PLXNB3: variants seen among roughly 807,000 people sequenced by gnomAD.
PLXNB3 encodes the protein plexin B3.
A neutral mutation model predicts 125.7 loss-of-function variants in PLXNB3; 80 were observed. That is an observed-to-expected ratio of 0.64 (90% CI 0.53 to 0.77). PLXNB3 has a LOEUF of 0.77. PLXNB3 is among the 30% of genes least tolerant of loss of function. PLXNB3 has a pLI of 0.00. For synonymous variants in PLXNB3, 954 were observed against 783.3 expected (o/e 1.22, Z -3.64); for missense variants, 1,836 against 1,729.3 (o/e 1.06, Z -1.09).
At position 153,770,111 on chromosome X, in the gene PLXNB3, G is replaced by C; in HGVS notation, c.1649G>C (p.Arg550Pro). Residue 550 changes from arginine (R) to proline (P), a missense_variant, in exon 8 of 36, where the codon CGG (arginine) becomes CCG (proline). Arg to Pro is a moderately radical substitution (Grantham distance 103, BLOSUM62 -2). Transcript: ENST00000361971. ...EQGQVTLSVP[R>P]LPILDADEYF... ...TCCCAGGTCACTTTGTCTGTCCCCC[G>C]GCTGCCCATCCTGGATGCAGATGAA... is the stretch of plus-strand genomic sequence containing the variant. 1 of 1,211,216 alleles carries C rather than the reference G, an allele frequency of 8.3e-7. No homozygotes were observed.
At chrX:153,772,833 G>T (rs2091947855) in intron 16 of PLXNB3, 53 bp from the exon 17 acceptor site, 5 of 1,068,094 alleles carry the variant, frequency 4.7e-6, no homozygotes, top group South Asian at 2.5e-5. Context: ...GCCCAGGGGG[G>T]TGAAAGGGCC....
Position 153,767,494 on chromosome X carries a change from G to A in PLXNB3, c.667G>A (p.Val223Met). ...CTCCAGCGAGGGCCTGGGCCGCCTGGTGGTGGGCGACTTCTCCGACTACAA... is the reference window on the plus strand; with the variant it reads ...CTCCAGCGAGGGCCTGGGCCGCCTGATGGTGGGCGACTTCTCCGACTACAA... ...PFSSEGLGRL[V>M]VGDFSDYNNS... Residue 223 changes from valine (V) to methionine (M), a missense_variant, in exon 3 of 36, where the codon GTG becomes ATG. Physicochemically the swap from Val to Met is conservative, Grantham distance 21. Transcript: ENST00000361971. 4 of 1,187,243 alleles carry A rather than the reference G, an allele frequency of 3.4e-6. No homozygotes were observed. Among genetic ancestry groups the A allele is most frequent in the Non-Finnish European group, 4.5e-6 (4 of 882,563 alleles).
intron 12 of PLXNB3, 108 bp from the exon 13 acceptor site, chrX:153,771,202 G>A (rs1053825868): frequency 1.2e-5 from 11 of 907,748 alleles, no homozygotes; most frequent in African/African-American, 1.2e-4. Flanking sequence ...CCAGTCTTGG[G>A]GGAGAGGCAG....
Position 153,768,346 on chromosome X carries a change from A to T in PLXNB3, c.1184A>T (p.Gln395Leu), listed in dbSNP as rs782203925. The change falls in exon 4 of 36, where the codon CAG becomes CTG. Residue 395 changes from glutamine to leucine, a missense_variant. Gln to Leu is a moderately radical substitution (Grantham distance 113, BLOSUM62 -2). Transcript: ENST00000361971. ...GTCCAGCCTCTGCTGAAGCTCGGGC[A>T]GCCGGTCAGCGCCGTGGCAGCTCTC... ...LEVQPLLKLGQPVSAVAALQA... is the reference protein window; with the variant it reads ...LEVQPLLKLGLPVSAVAALQA... 8.3e-7 allele frequency: 1 copy of T among 1,210,606 alleles called. No homozygotes were observed. The highest frequency in any genetic ancestry group is 2.2e-5 in the Admixed American group (1 of 46,134).
In PLXNB3 at chrX:153,773,590, G is replaced by A. The variant is rs1172014674; in HGVS notation, c.3156G>A (p.Leu1052=). Residue 1052 remains leucine, a synonymous_variant, in exon 19 of 36, where the codon CTG becomes CTA. Coordinates refer to ENST00000361971, the MANE Select transcript of PLXNB3 (RefSeq NM_005393.3). The part of the protein sequence containing the change: ...VVQRPLLSVW[L]EADAEVQASR... ...AGCGGCCCCTACTGTCTGTGTGGCT[G>A]GAGGCTGACGCAGAGGTGCAGGCTT... The A allele has an allele frequency of 1.7e-6, 2 of 1,206,852 alleles. No homozygotes were observed. The highest frequency in any genetic ancestry group is 2.2e-6 in the Non-Finnish European group (2 of 893,426).
rs1569542261 is a variant in PLXNB3 at position 153,778,592 on chromosome X, G to A, written c.5551-8G>A. ...ACCTCACTGCCCCCCTCCACGTGGT[G>A]CCCCCAGAACTACACTTCTGCTCCC... On this transcript the variant is annotated splice_region_variant and splice_polypyrimidine_tract_variant and intron_variant, in intron 34 of 35. Transcript: ENST00000361971. 1 of 1,197,792 alleles carries A rather than the reference G, an allele frequency of 8.3e-7. No homozygotes were observed. Among genetic ancestry groups the A allele is most frequent in the South Asian group, 1.8e-5 (1 of 55,447 alleles).
rs570470027 is a variant in PLXNB3, at chrX:153,777,545, T to G, written c.5118T>G (p.Phe1706Leu). ...CCTCGCAGGGCACGCTGCAGAAGTTTGTGGACGACACCTTCCAGGCCATTC... is the reference window on the plus strand; with the variant it reads ...CCTCGCAGGGCACGCTGCAGAAGTTGGTGGACGACACCTTCCAGGCCATTC... ...LLSMKGTLQKFVDDTFQAILS... is the reference protein window; with the variant it reads ...LLSMKGTLQKLVDDTFQAILS... The change falls in exon 31 of 36, where the codon TTT (phenylalanine) becomes TTG (leucine). Residue 1706 changes from phenylalanine (F) to leucine (L), a missense_variant. Physicochemically the swap from Phe to Leu is conservative, Grantham distance 22 (BLOSUM62 0). Coordinates refer to ENST00000361971, the MANE Select transcript of PLXNB3 (RefSeq NM_005393.3). 8.3e-7 allele frequency: 1 copy of G among 1,211,589 alleles called. No individual in the cohort carries two copies. Among genetic ancestry groups the G allele is most frequent in the South Asian group, 1.8e-5 (1 of 57,031 alleles).
chrX:153,771,242 C>T (rs1205215615), intron 12 of PLXNB3, 68 bp from the exon 13 acceptor site: 2 of 985,230 alleles, frequency 2.0e-6, no homozygotes, highest in Admixed American at 2.2e-5. Context: ...TGGGGGGTGG[C>T]CCAGAGGAGA....
chrX:153,772,127 G>A, intron 15 of PLXNB3, 55 bp from the exon 16 acceptor site: 1 of 1,143,560 alleles, frequency 8.7e-7, no homozygotes, highest in Non-Finnish European at 1.2e-6. Context: ...GGGGAGGGGT[G>A]GGCTGTCCCC....
chrX:153,767,942 C>A (rs1557059983), intron 3 of PLXNB3, 29 bp downstream of exon 3: 1 of 1,076,646 alleles, frequency 9.3e-7, no homozygotes, highest in Admixed American at 3.7e-5. Flanking sequence ...CATCCCCCCT[C>A]TCTGTGGATG....
intron 11 of PLXNB3, 38 bp downstream of exon 11, chrX:153,770,921 T>C: frequency 8.3e-7 from 1 of 1,204,775 alleles, no homozygotes; most frequent in Non-Finnish European, 1.1e-6. Flanking sequence ...GGCAGTGAGG[T>C]CTGCCAACAG....
At chrX:153,770,287 G>A in intron 8 of PLXNB3, 39 bp downstream of exon 8, 1 of 1,205,620 alleles carries the variant, frequency 8.3e-7, no homozygotes, top group East Asian at 3.0e-5. Flanking sequence ...GATGGAGGCT[G>A]GAGGGGTAAT....
At chrX:153,765,447 C>T in intron 1 of PLXNB3, 24 bp from the exon 2 acceptor site, 2 of 1,099,118 alleles carry the variant, frequency 1.8e-6, no homozygotes, top group Non-Finnish European at 2.5e-6. Context: ...GGGGCTGAGC[C>T]TCGACTGTCT....
chrX:153,776,333 T>C, intron 27 of PLXNB3, 23 bp from the exon 28 acceptor site: 2 of 1,134,846 alleles, frequency 1.8e-6, no homozygotes, highest in South Asian at 3.7e-5. Flanking sequence ...CTGTAGACTA[T>C]CTGCTTCCCT....
Position 153,770,662 on chromosome X carries a change from G to A in PLXNB3, c.2010+20G>A, listed in dbSNP as rs376296898. 141 of 1,207,463 alleles carry A rather than the reference G, an allele frequency of 1.2e-4. No individual in the cohort carries two copies. In the Middle Eastern group the frequency reaches 1.4e-3, roughly 12 times the overall value. On this transcript the variant is annotated intron_variant, in intron 10 of 35. Transcript: ENST00000361971. ...CAGGAGGTGGGTGGGCCCGAACTTC[G>A]GGCAGAGACAGGGCTGTCCCTTCTC...
At chrX:153,777,063 C>T (rs1557064665) in intron 29 of PLXNB3, 83 bp downstream of exon 29, 3 of 971,795 alleles carry the variant, frequency 3.1e-6, no homozygotes, top group Non-Finnish European at 4.2e-6. Flanking sequence ...GCCTCAACTT[C>T]ATCCCCCACC....
intron 4 of PLXNB3, 145 bp from the exon 5 acceptor site, chrX:153,768,803 G>T: frequency 1.5e-6 from 1 of 658,147 alleles, no homozygotes; most frequent in Non-Finnish European, 2.3e-6. Context: ...GGTGCTGAGT[G>T]GGGGAAGTGA....
rs782670893 is a variant in PLXNB3, at chrX:153,778,692, C to G, written c.5625+18C>G. 1 of 1,183,178 alleles carries G rather than the reference C, an allele frequency of 8.5e-7. No homozygotes were observed. The highest frequency in any genetic ancestry group is 1.1e-6 in the Non-Finnish European group (1 of 875,454). On this transcript the variant is annotated intron_variant, in intron 35 of 35. Coordinates refer to ENST00000361971, the MANE Select transcript of PLXNB3 (RefSeq NM_005393.3). Reference sequence around the variant, plus strand: ...ATGATCAGGTGAGGCCCAGGGCACTCCGGAGGGGAGGCACAGTGGAGCGGG... The same window carrying G: ...ATGATCAGGTGAGGCCCAGGGCACTGCGGAGGGGAGGCACAGTGGAGCGGG...
Position 153,779,110 on chromosome X carries a change from G to T in PLXNB3, c.*71G>T, listed in dbSNP as rs1022085961. On this transcript the variant is annotated 3_prime_UTR_variant, in exon 36 of 36. Coordinates refer to ENST00000361971, the MANE Select transcript of PLXNB3 (RefSeq NM_005393.3). ...GCCTTATGACCCCGGAACCGAGCCA[G>T]CCACTGAGGGGAGCTGGCAGAGCCT... The T allele has an allele frequency of 1.3e-6, 1 of 770,217 alleles. No homozygotes were observed. The highest frequency in any genetic ancestry group is 3.0e-5 in the South Asian group (1 of 32,971). 63.5% of individuals were successfully genotyped at this position (770,217 alleles called of 1,213,427 possible). A position where few individuals can be genotyped will look rare whatever the true frequency, so the allele number is the denominator to read the frequency against.
Sources: allele counts gnomAD v4.1 joint callset, GRCh38; gene constraint gnomAD v4.1.1; transcripts MANE v1.5; gene names NCBI Gene and HGNC (gene_info 2026-07-23, HGNC 2026-07-21).